LRRIQ3: variants seen among roughly 807,000 people sequenced by gnomAD.
The protein encoded by LRRIQ3 is leucine-rich repeat and IQ domain-containing protein 3.
Under a neutral mutation model 59.3 loss-of-function variants are expected in LRRIQ3, and 75 were observed. The observed-to-expected ratio is 1.26, with a 90% CI of 1.05 to 1.53. LRRIQ3 has a LOEUF of 1.53. Among genes scored for constraint, LRRIQ3 ranks in the 40% most tolerant of loss-of-function variants. LRRIQ3 has a pLI of 0.00. For missense variants in LRRIQ3, 831 were observed against 710.0 expected, an observed-to-expected ratio of 1.17 and a Z score of -1.94; for synonymous variants, 250 against 231.3, an observed-to-expected ratio of 1.08 and a Z score of -0.73.
intron 4 of LRRIQ3, among the ~76,000 whole-genome samples, chr1:74,131,277 GC>G (rs1212112159): frequency 1.3e-5 from 2 of 152,114 alleles, no homozygotes; most frequent in Non-Finnish European, 2.9e-5. Context: ...CAGATTCACA[GC>G]CGAATTCTAC....
At chr1:74,060,224 C>CTTCTTCTTCTTCTTCTTCTTG (rs1557597711) in intron 6 of LRRIQ3, among the ~76,000 whole-genome samples, 4 of 112,172 alleles carry the variant, frequency 3.6e-5, no homozygotes, top group African/African-American at 1.9e-4. Flanking sequence ...TCTTCTTGTT[C>CTTCTTCTTCTTCTTCTTCTTG]TTCTTCTTCT....
intron 1 of LRRIQ3, among the ~76,000 whole-genome samples, chr1:74,187,623 T>C (rs556996839): frequency 9.1e-4 from 139 of 152,192 alleles, no homozygotes; most frequent in African/African-American, 3.2e-3. Context: ...GAAGACTACA[T>C]ACTGGGTACA....
At chr1:74,096,913 C>T (rs547141756) in intron 5 of LRRIQ3, among the ~76,000 whole-genome samples, 10 of 152,230 alleles carry the variant, frequency 6.6e-5, no homozygotes, top group South Asian at 4.1e-4. Context: ...CTGGAAGCTT[C>T]GTCTCAGAGG....
chr1:74,038,236 C>T (rs1653932393), intron 7 of LRRIQ3, among the ~76,000 whole-genome samples: 2 of 152,160 alleles, frequency 1.3e-5, no homozygotes, highest in African/African-American at 4.8e-5. Context: ...CTGACCCATC[C>T]CTCCTCACTG....
Position 74,175,114 on chromosome 1 carries a change from TG to T in LRRIQ3, c.573+7423del, listed in dbSNP as rs376670409. The stretch of plus-strand genomic sequence containing the variant: ...ATTCTGGGGCTCTGACTGGTGTCTA[TG>T]GCTGGTGAAGCCTGCTGACCAGCGT... On this transcript the variant is annotated intron_variant, in intron 3 of 7. Coordinates refer to ENST00000354431, the MANE Select transcript of LRRIQ3 (RefSeq NM_001105659.2). Among the ~76,000 whole-genome samples, 806 of 152,270 alleles carry T rather than the reference TG, an allele frequency of 5.3e-3. 4 individuals are homozygous for T. Among genetic ancestry groups the T allele is most frequent in the African/African-American group, 0.018 (766 of 41,542 alleles).
chr1:74,160,914 A>G (rs1570236128), intron 3 of LRRIQ3, among the ~76,000 whole-genome samples: 1 of 151,986 alleles, frequency 6.6e-6, no homozygotes, highest in Non-Finnish European at 1.5e-5. Context: ...ATTTTATAAT[A>G]TTTTTCAGGA....
rs151076307 is a variant in LRRIQ3, at chr1:74,072,475, A to C, written c.997+2186T>G. On this transcript the variant is annotated intron_variant, in intron 6 of 7. Transcript: ENST00000354431. Reference sequence around the variant, plus strand: ...CATGAACCTCCTAAAATTATAAATAAAATGCTTTTGTGCTCATATATATAT... The same window carrying C: ...CATGAACCTCCTAAAATTATAAATACAATGCTTTTGTGCTCATATATATAT... 2.7e-3 allele frequency among the ~76,000 whole-genome samples: 418 copies of C among 152,090 alleles called. 1 individual carries two copies. Among genetic ancestry groups the C allele is most frequent in the African/African-American group, 9.5e-3 (394 of 41,536 alleles).
At chr1:74,151,889 T>C (rs554530632) in intron 4 of LRRIQ3, among the ~76,000 whole-genome samples, 11 of 152,056 alleles carry the variant, frequency 7.2e-5, no homozygotes, top group Non-Finnish European at 1.3e-4. Flanking sequence ...ACAAACACAA[T>C]AGGAGTAGTT....
At chr1:74,084,307 T>G (rs887016300) in intron 5 of LRRIQ3, 1 of 1,325,688 alleles carries the variant, frequency 7.5e-7, no homozygotes, top group African/African-American at 1.5e-5. Context: ...TCAGCAAACA[T>G]TACATTTTGC....
At chr1:74,140,351 C>A (rs1208602502) in intron 4 of LRRIQ3, among the ~76,000 whole-genome samples, 1 of 151,638 alleles carries the variant, frequency 6.6e-6, no homozygotes, top group Non-Finnish European at 1.5e-5. Context: ...ATAAAAGGTT[C>A]AATTGACTGA....
chr1:74,058,839 TATA>T (rs1177909638), intron 6 of LRRIQ3, among the ~76,000 whole-genome samples: 7 of 152,102 alleles, frequency 4.6e-5, no homozygotes, highest in African/African-American at 1.7e-4. Flanking sequence ...CATAAATATG[TATA>T]ATTATTATGT....
intron 3 of LRRIQ3, among the ~76,000 whole-genome samples, chr1:74,160,833 G>T (rs1648616612): frequency 6.6e-6 from 1 of 152,004 alleles, no homozygotes; most frequent in African/African-American, 2.4e-5. Context: ...TGTAGTAATG[G>T]ATCCTGTCAC....
intron 5 of LRRIQ3, among the ~76,000 whole-genome samples, chr1:74,099,567 T>G (rs777171840): frequency 9.9e-5 from 15 of 152,270 alleles, no homozygotes; most frequent in Non-Finnish European, 1.0e-4. Context: ...AAGGCCAGCA[T>G]CATCCTGATA....
chr1:74,172,998 C>T (rs772757056), intron 3 of LRRIQ3, among the ~76,000 whole-genome samples: 4 of 151,994 alleles, frequency 2.6e-5, no homozygotes, highest in Admixed American at 6.6e-5. Context: ...AGTTGGGTCT[C>T]GGTTTTTTAA....
intron 6 of LRRIQ3, chr1:74,050,535 T>C (rs1654340289): frequency 1.8e-5 from 18 of 985,324 alleles, no homozygotes; most frequent in Non-Finnish European, 2.2e-5. Flanking sequence ...CAGAGCTTGT[T>C]TGATTCTTCT....
At chr1:74,075,805 T>A (rs1256502608) in intron 5 of LRRIQ3, among the ~76,000 whole-genome samples, 1 of 152,114 alleles carries the variant, frequency 6.6e-6, no homozygotes, top group Admixed American at 6.6e-5. Flanking sequence ...TCCTTTATCA[T>A]CTCTTACTGT....
intron 4 of LRRIQ3, among the ~76,000 whole-genome samples, chr1:74,143,451 C>T (rs1647359235): frequency 1.3e-5 from 2 of 151,866 alleles, no homozygotes; most frequent in South Asian, 4.2e-4. Context: ...TCAACAATCC[C>T]TACCATATGC....
chr1:74,120,880 G>A (rs996272973), intron 4 of LRRIQ3, among the ~76,000 whole-genome samples: 33 of 151,862 alleles, frequency 2.2e-4, no homozygotes, highest in Non-Finnish European at 5.9e-5. Flanking sequence ...CCCTCGATTC[G>A]TGGACTAAAC....
rs1353363214 is a variant in LRRIQ3 at position 74,180,648 on chromosome 1, A to T, written c.573+1890T>A. The T allele has an allele frequency of 7.0e-6, 10 of 1,433,916 alleles. No individual in the cohort carries two copies. In the East Asian group the frequency reaches 2.2e-4, roughly 32 times the overall value. The allele number at this position is 1,433,916 out of a possible 1,614,324, so 88.8% of individuals were successfully genotyped here. A position where few individuals can be genotyped will look rare whatever the true frequency, so the allele number is the denominator to read the frequency against. On this transcript the variant is annotated intron_variant, in intron 3 of 7. Transcript: ENST00000354431. Reference sequence around the variant, plus strand: ...ACACTCAGTGTGAAAAGTACACTCAAATCTCTGCACTGTCTGTCATTTGTG... The same window carrying T: ...ACACTCAGTGTGAAAAGTACACTCATATCTCTGCACTGTCTGTCATTTGTG...
Sources: allele counts gnomAD v4.1 joint callset (sites outside exome capture counted in the v4.1 genomes callset), GRCh38; gene constraint gnomAD v4.1.1; transcripts MANE v1.5; gene names NCBI Gene and HGNC (gene_info 2026-07-23, HGNC 2026-07-21).